DAGLB: variants seen among roughly 807,000 people sequenced by gnomAD.
DAGLB encodes the protein diacylglycerol lipase-beta.
DAGLB carries 66 observed loss-of-function variants against 72.1 expected under a neutral mutation model. The observed-to-expected ratio is 0.92, with a 90% CI of 0.75 to 1.12. The LOEUF (loss-of-function observed/expected upper bound fraction) is 1.12, where lower values mean the gene tolerates loss of function less well. Among genes scored for constraint, DAGLB ranks in the 50% most tolerant of loss-of-function variants. The pLI, the probability that DAGLB is intolerant of heterozygous loss-of-function variation, is 0.00. For missense variants in DAGLB, 1,065 were observed against 884.9 expected, an observed-to-expected ratio of 1.20 and a Z score of -2.58; for synonymous variants, 414 against 359.5, an observed-to-expected ratio of 1.15 and a Z score of -1.71.
In DAGLB at chr7:6,445,971, T is replaced by A; in HGVS notation, c.229A>T (p.Met77Leu). 1 of 1,602,646 alleles carries A rather than the reference T, an allele frequency of 6.2e-7. No homozygotes were observed. Among genetic ancestry groups the A allele is most frequent in the Non-Finnish European group, 8.5e-7 (1 of 1,176,548 alleles). ...AVVICTVSAI[M>L]CVSMRGTICN... ...TTTTTACCTCTCATGCTGACACACATGATGGCTGACACAGTACATATGACA... is the reference window on the plus strand; with the variant it reads ...TTTTTACCTCTCATGCTGACACACAAGATGGCTGACACAGTACATATGACA... The change falls in exon 2 of 15, where the codon ATG becomes TTG. Residue 77 changes from methionine to leucine, a missense_variant. Coordinates refer to ENST00000297056, the MANE Select transcript of DAGLB (RefSeq NM_139179.4).
intron 4 of DAGLB, among the ~76,000 whole-genome samples, chr7:6,433,948 G>T (rs1015408798): frequency 6.6e-6 from 1 of 151,900 alleles, no homozygotes; most frequent in African/African-American, 2.4e-5. Context: ...GAAATAACCA[G>T]CTTCTCTTCT....
Position 6,433,472 on chromosome 7 carries a change from C to G in DAGLB, c.679-513G>C, listed in dbSNP as rs1031725502. 3.3e-5 allele frequency among the ~76,000 whole-genome samples: 5 copies of G among 152,298 alleles called. No individual in the cohort carries two copies. The East Asian group carries it at 9.6e-4, about 29-fold the overall frequency. On this transcript the variant is annotated intron_variant, in intron 4 of 14. Transcript: ENST00000297056. ...AGAGAGTGAGTCTTCTTAGGCCTGACATGTCCTTTTTCTCCAGGAAATGGA... is the reference window on the plus strand; with the variant it reads ...AGAGAGTGAGTCTTCTTAGGCCTGAGATGTCCTTTTTCTCCAGGAAATGGA...
intron 5 of DAGLB, 42 bp from the exon 6 acceptor site, chr7:6,430,649 C>G: frequency 1.3e-6 from 2 of 1,497,106 alleles, no homozygotes; most frequent in South Asian, 1.4e-5. Context: ...TAAGGGAACT[C>G]CTGACACAGA....
intron 2 of DAGLB, among the ~76,000 whole-genome samples, chr7:6,441,052 T>C (rs1463098780): frequency 6.6e-6 from 1 of 151,888 alleles, no homozygotes; most frequent in Non-Finnish European, 1.5e-5. Context: ...CGATACATAT[T>C]TTTAATAAGG....
chr7:6,438,175 G>A (rs1784722476), intron 2 of DAGLB, among the ~76,000 whole-genome samples: 2 of 152,000 alleles, frequency 1.3e-5, no homozygotes, highest in South Asian at 4.2e-4. Context: ...GACACAGGGT[G>A]GGGAACATCA....
intron 3 of DAGLB, 54 bp downstream of exon 3, chr7:6,436,308 G>C: frequency 6.4e-7 from 1 of 1,561,566 alleles, no homozygotes; most frequent in Non-Finnish European, 8.6e-7. Context: ...AGAAGGGTTT[G>C]TTCACCTATG....
At chr7:6,411,311 G>C (rs571232360) in intron 13 of DAGLB, among the ~76,000 whole-genome samples, 17 of 151,266 alleles carry the variant, frequency 1.1e-4, no homozygotes, top group East Asian at 2.0e-4. Flanking sequence ...GCCCGCCCTA[G>C]ATACTAATTT....
chr7:6,410,024 C>A lies in DAGLB; in HGVS notation c.1832G>T (p.Cys611Phe). 6.2e-7 allele frequency: 1 copy of A among 1,613,228 alleles called. No homozygotes were observed. Among genetic ancestry groups the A allele is most frequent in the Non-Finnish European group, 8.5e-7 (1 of 1,179,436 alleles). ...EEGASGRFGC[C>F]SAAHYSAKWS... ...CTTGGCGCTATAGTGAGCAGCAGAG[C>A]AGCAGCCAAACCTGAAGCAGAAAAG... The change falls in exon 15 of 15, where the codon TGC becomes TTC. Residue 611 changes from cysteine to phenylalanine, a missense_variant. Transcript: ENST00000297056.
chr7:6,437,900 G>A (rs1254375860), intron 2 of DAGLB, among the ~76,000 whole-genome samples: 1 of 152,012 alleles, frequency 6.6e-6, no homozygotes, highest in Non-Finnish European at 1.5e-5. Flanking sequence ...CCTTTGCCTC[G>A]CAAAGTGCTG....
At chr7:6,440,772 G>A (rs554051249) in intron 2 of DAGLB, among the ~76,000 whole-genome samples, 1 of 152,070 alleles carries the variant, frequency 6.6e-6, no homozygotes, top group Non-Finnish European at 1.5e-5. Flanking sequence ...GGGAGGCTGA[G>A]CCAGGAGAAC....
At chr7:6,423,102 A>G (rs1362077398) in intron 8 of DAGLB, among the ~76,000 whole-genome samples, 1 of 152,122 alleles carries the variant, frequency 6.6e-6, no homozygotes, top group Non-Finnish European at 1.5e-5. Context: ...AATAGAAAAA[A>G]TTAGCTGGGT....
At chr7:6,431,675 G>C (rs34640179) in intron 5 of DAGLB, among the ~76,000 whole-genome samples, 1 of 152,178 alleles carries the variant, frequency 6.6e-6, no homozygotes, top group Non-Finnish European at 1.5e-5. Flanking sequence ...TGGAGGCTGA[G>C]GCAGGAGAAT....
intron 8 of DAGLB, among the ~76,000 whole-genome samples, chr7:6,424,145 G>A (rs1452897370): frequency 6.6e-6 from 1 of 152,236 alleles, no homozygotes; most frequent in Non-Finnish European, 1.5e-5. Context: ...AGACTGAGGA[G>A]TGGCCAGGAG....
At chr7:6,434,250 C>A (rs200143430) in intron 4 of DAGLB, among the ~76,000 whole-genome samples, 1 of 147,332 alleles carries the variant, frequency 6.8e-6, no homozygotes, top group Admixed American at 6.8e-5. Context: ...AAAAAAAAAA[C>A]AAGCATTTTC....
chr7:6,447,081 C>G (rs1212724242), intron 1 of DAGLB, among the ~76,000 whole-genome samples: 1 of 152,176 alleles, frequency 6.6e-6, no homozygotes, highest in East Asian at 1.9e-4. Flanking sequence ...TCAAGCAATC[C>G]TCCCGTCTCA....
At chr7:6,443,189 G>GA (rs1158817173) in intron 2 of DAGLB, among the ~76,000 whole-genome samples, 932 of 80,024 alleles carry the variant, frequency 0.012, 17 homozygotes, top group African/African-American at 0.04. Flanking sequence ...ACTCCATCCG[G>GA]AAAAAAAAAA....
Position 6,446,120 on chromosome 7 carries a change from AAGGGAAGGG to A in DAGLB, c.96-25_96-17del. 1.3e-5 allele frequency: 20 copies of A among 1,583,282 alleles called. No homozygotes were observed. Among genetic ancestry groups the A allele is most frequent in the Non-Finnish European group, 1.6e-5 (19 of 1,168,834 alleles). ...GCCAATCCACCTGGCAAAAAAAAAA[AAGGGAAGGG>A]TCAGAAATGAAATCCAAGGAGCTGC... On this transcript the variant is annotated splice_polypyrimidine_tract_variant and intron_variant, in intron 1 of 14. Transcript: ENST00000297056.
intron 2 of DAGLB, among the ~76,000 whole-genome samples, chr7:6,443,061 T>C (rs1298117331): frequency 6.7e-6 from 1 of 148,690 alleles, no homozygotes; most frequent in Non-Finnish European, 1.5e-5. Context: ...CGGGCGCCTG[T>C]AGTCCCAGCT....
At chr7:6,446,477 C>CAAAAAAAAAAAAAAAAAAAAAA (rs748156438) in intron 1 of DAGLB, among the ~76,000 whole-genome samples, 1 of 58,636 alleles carries the variant, frequency 1.7e-5, no homozygotes, top group Non-Finnish European at 2.9e-5. Flanking sequence ...GACTCCGTCT[C>CAAAAAAAAAAAAAAAAAAAAAA]AAAAAAAAAA....
Sources: gnomAD v4.1 joint callset for allele counts (sites outside exome capture counted in the v4.1 genomes callset) on GRCh38, gnomAD v4.1.1 for gene constraint, MANE v1.5 for transcripts, NCBI Gene and HGNC (gene_info 2026-07-23, HGNC 2026-07-21) for gene names.